PTPRM: variants seen among roughly 807,000 people sequenced by gnomAD.
PTPRM encodes the protein protein tyrosine phosphatase receptor type M, also known as receptor-type tyrosine-protein phosphatase mu.
A neutral mutation model predicts 186.7 loss-of-function variants in PTPRM; 47 were observed. That is an observed-to-expected ratio of 0.25 (90% CI 0.20 to 0.32). PTPRM has a LOEUF of 0.32. Ranked by LOEUF, PTPRM falls within the 10% of genes least tolerant of loss-of-function variation. PTPRM has a pLI of 1.00. For missense variants in PTPRM, 1,494 were observed against 1,865.0 expected (o/e 0.80, Z 3.66); for synonymous variants, 668 against 674.9 (o/e 0.99, Z 0.16).
chr18:8,404,094 G>A (rs1249349670), intron 32 of PTPRM: 1 of 152,138 alleles, frequency 6.6e-6, no homozygotes, highest in East Asian at 1.9e-4. Flanking sequence ...TAGGTCATAT[G>A]GGAATTCTGT....
chr18:7,963,236 G>C (rs571385008), intron 7 of PTPRM, among the ~76,000 whole-genome samples: 5 of 152,304 alleles, frequency 3.3e-5, no homozygotes, highest in African/African-American at 1.2e-4. Context: ...AATATATTCA[G>C]TCCCTTCCTT....
chr18:8,309,055 T>C (rs2095248202), intron 20 of PTPRM, among the ~76,000 whole-genome samples: 1 of 152,236 alleles, frequency 6.6e-6, no homozygotes, highest in African/African-American at 2.4e-5. Flanking sequence ...TAAATAGCAT[T>C]CCACTTTATT....
In PTPRM at chr18:7,991,195, C is replaced by T. The variant is rs1010210410; in HGVS notation, c.1132+35781C>T. Among the ~76,000 whole-genome samples the T allele has an allele frequency of 5.3e-5, 8 of 152,172 alleles. No homozygotes were observed. The East Asian group carries it at 1.3e-3, about 26-fold the overall frequency. ...TTCTCTTTACAAACACTTTACACCTCACTCACTGTTAAACATGATTTATGT... is the reference window on the plus strand; with the variant it reads ...TTCTCTTTACAAACACTTTACACCTTACTCACTGTTAAACATGATTTATGT... On this transcript the variant is annotated intron_variant, in intron 7 of 32. Transcript: ENST00000580170.
intron 1 of PTPRM, among the ~76,000 whole-genome samples, chr18:7,627,682 G>T (rs1433997162): frequency 1.3e-5 from 2 of 152,202 alleles, no homozygotes; most frequent in African/African-American, 4.8e-5. Context: ...CCAGAGGCAT[G>T]GGAGTTGAGT....
In PTPRM at chr18:8,126,027, A is replaced by ATATATTTTT. The variant is rs57751538; in HGVS notation, c.2167+11201_2167+11202insATATTTTTT. Among the ~76,000 whole-genome samples, 302 of 69,300 alleles carry ATATATTTTT rather than the reference A, an allele frequency of 4.4e-3. 6 individuals are homozygous for ATATATTTTT. The highest frequency in any genetic ancestry group is 5.3e-3 in the Non-Finnish European group (188 of 35,188). The allele number at this position is 69,300 out of a possible 152,430, so 45.5% of individuals were successfully genotyped here. ...TATATATATATATATATATATATAT[A>ATATATTTTT]TTTTAAATCAGTAGACCTTTCCATT... On this transcript the variant is annotated intron_variant, in intron 13 of 32. Transcript: ENST00000580170.
Position 7,766,780 on chromosome 18 carries a change from C to T in PTPRM, c.74-7369C>T, listed in dbSNP as rs185578435. Among the ~76,000 whole-genome samples the T allele has an allele frequency of 1.2e-3, 179 of 152,222 alleles. 1 individual carries two copies. The highest frequency in any genetic ancestry group is 4.0e-3 in the African/African-American group (166 of 41,524). The stretch of plus-strand genomic sequence containing the variant: ...CCTTCTTGCCCACTAGTACAGAAAA[C>T]GTAGTTAAAGCATCTGGATACATTT... On this transcript the variant is annotated intron_variant, in intron 1 of 32. Coordinates refer to ENST00000580170, the MANE Select transcript of PTPRM (RefSeq NM_001105244.2).
rs1555613406 is a variant in PTPRM at position 7,834,491 on chromosome 18, T to TACACACACATACACACACATACAC, written c.197-53606_197-53605insTACACACACATACACACACACACA. Among the ~76,000 whole-genome samples the TACACACACATACACACACATACAC allele has an allele frequency of 7.2e-3, 605 of 84,602 alleles. 9 individuals are homozygous for TACACACACATACACACACATACAC. Among genetic ancestry groups the TACACACACATACACACACATACAC allele is most frequent in the African/African-American group, 0.028 (574 of 20,726 alleles). 55.5% of individuals were successfully genotyped at this position (84,602 alleles called of 152,430 possible). Reference sequence around the variant, plus strand: ...TAAAATACAGGCCAATATACAAGTATACACACACACACACACACACACACA... The same window carrying TACACACACATACACACACATACAC: ...TAAAATACAGGCCAATATACAAGTATACACACACATACACACACATACACACACACACACACACACACACACACA... On this transcript the variant is annotated intron_variant, in intron 2 of 32. Coordinates refer to ENST00000580170, the MANE Select transcript of PTPRM (RefSeq NM_001105244.2).
At chr18:8,151,872 A>G (rs1424334328) in intron 14 of PTPRM, among the ~76,000 whole-genome samples, 1 of 151,988 alleles carries the variant, frequency 6.6e-6, no homozygotes, top group African/African-American at 2.4e-5. Context: ...AGGGTTCCTC[A>G]GGCTCAGTCC....
chr18:8,161,141 G>T (rs1015853556), intron 14 of PTPRM, among the ~76,000 whole-genome samples: 2 of 152,178 alleles, frequency 1.3e-5, no homozygotes, highest in Non-Finnish European at 1.5e-5. Flanking sequence ...AAATGAAGAG[G>T]TGACATAGCA....
At chr18:8,128,607 G>T (rs1327771613) in intron 13 of PTPRM, among the ~76,000 whole-genome samples, 1 of 152,046 alleles carries the variant, frequency 6.6e-6, no homozygotes, top group African/African-American at 2.4e-5. Context: ...TTTTGCTGTG[G>T]CAGTTTCATC....
chr18:7,830,842 C>T (rs1435181032), intron 2 of PTPRM, among the ~76,000 whole-genome samples: 1 of 152,088 alleles, frequency 6.6e-6, no homozygotes, highest in Non-Finnish European at 1.5e-5. Flanking sequence ...TGTTATTTAC[C>T]TGGTCCAATA....
intron 8 of PTPRM, among the ~76,000 whole-genome samples, chr18:8,072,989 T>G (rs2148461200): frequency 7.1e-6 from 1 of 140,870 alleles, no homozygotes; most frequent in South Asian, 2.4e-4. Flanking sequence ...TGTCAACTAT[T>G]CTACTGCCAT....
chr18:7,789,293 C>T (rs1598723661), intron 2 of PTPRM, among the ~76,000 whole-genome samples: 1 of 152,036 alleles, frequency 6.6e-6, no homozygotes, highest in South Asian at 2.1e-4. Context: ...CCACTGCACT[C>T]CAGCCTGGGT....
chr18:7,869,199 A>G (rs2047862554), intron 2 of PTPRM, among the ~76,000 whole-genome samples: 1 of 152,052 alleles, frequency 6.6e-6, no homozygotes, highest in Non-Finnish European at 1.5e-5. Context: ...TTTCCAGGGG[A>G]GTGAACAGTT....
At chr18:7,784,486 A>G (rs191139871) in intron 2 of PTPRM, among the ~76,000 whole-genome samples, 1 of 152,108 alleles carries the variant, frequency 6.6e-6, no homozygotes, top group Admixed American at 6.5e-5. Context: ...CCACCACCTT[A>G]CCCACCATCG....
chr18:8,002,766 A>G (rs2083943597), intron 7 of PTPRM, among the ~76,000 whole-genome samples: 1 of 152,218 alleles, frequency 6.6e-6, no homozygotes, highest in Non-Finnish European at 1.5e-5. Context: ...CCAATAAAGT[A>G]TCATCCCCAA....
At chr18:8,384,493 C>T in intron 29 of PTPRM, 68 bp from the exon 30 acceptor site, 2 of 1,571,664 alleles carry the variant, frequency 1.3e-6, no homozygotes, top group African/African-American at 1.4e-5. Context: ...CAATACTAAC[C>T]TTATCCAAAC....
chr18:8,392,626 C>CAA (rs915793805), intron 31 of PTPRM, among the ~76,000 whole-genome samples: 1 of 135,170 alleles, frequency 7.4e-6, no homozygotes, highest in Non-Finnish European at 1.6e-5. Flanking sequence ...GACTCCATCT[C>CAA]AAAAAAAAAA....
chr18:7,980,472 C>T (rs1234015473), intron 7 of PTPRM, among the ~76,000 whole-genome samples: 2 of 152,108 alleles, frequency 1.3e-5, no homozygotes, highest in African/African-American at 4.8e-5. Context: ...GCGCCTCAAC[C>T]TCCTGGGCTC....
Sources: gnomAD v4.1 joint callset for allele counts (sites outside exome capture counted in the v4.1 genomes callset) on GRCh38, gnomAD v4.1.1 for gene constraint, MANE v1.5 for transcripts, NCBI Gene and HGNC (gene_info 2026-07-23, HGNC 2026-07-21) for gene names.